The following TRIM31 variants were observed in gnomAD, a reference collection of about 807,000 sequenced individuals.
TRIM31 encodes E3 ubiquitin-protein ligase TRIM31.
TRIM31 carries 31 observed loss-of-function variants against 40.6 expected under a neutral mutation model. That is an observed-to-expected ratio of 0.76 (90% CI 0.57 to 1.03). The LOEUF is 1.03. Among genes scored for constraint, TRIM31 ranks in the 50% least tolerant of loss-of-function variants. TRIM31 has a pLI of 0.00. For synonymous variants in TRIM31, 164 were observed against 193.9 expected (o/e 0.85, Z 1.28); for missense variants, 455 against 497.5 (o/e 0.91, Z 0.81).
rs111260969 is a variant in TRIM31, at chr6:30,112,534, T to C, written c.272A>G (p.Lys91Arg). 51 of 1,613,026 alleles carry C rather than the reference T, an allele frequency of 3.2e-5. No individual in the cohort carries two copies. Among genetic ancestry groups the C allele is most frequent in the Middle Eastern group, 3.3e-4 (2 of 6,084 alleles). ...LQASEVQSKR[K>R]EATCPRHQEM... ...CTGGTGCCTCGGGCATGTAGCCTCT[T>C]TCCTTTTGGACTGCACCTCAGAGGC... The change falls in exon 2 of 9, where the codon AAA (lysine) becomes AGA (arginine). Residue 91 changes from lysine (K) to arginine (R), a missense_variant. Transcript: ENST00000376734.
chr6:30,105,840 T>A (rs1343019084), intron 6 of TRIM31, among the ~76,000 whole-genome samples: 1 of 152,178 alleles, frequency 6.6e-6, no homozygotes, highest in Non-Finnish European at 1.5e-5. Context: ...GCTTCACCCT[T>A]TAGCTTCAGA....
At chr6:30,104,256 C>G in intron 7 of TRIM31, 89 bp from the exon 8 acceptor site, 1 of 1,322,136 alleles carries the variant, frequency 7.6e-7, no homozygotes, top group Non-Finnish European at 1.1e-6. Context: ...CATCATCAAT[C>G]AGAACAGTCA....
In TRIM31 at chr6:30,103,642, T is replaced by A; in HGVS notation, c.1172A>T (p.Gln391Leu). Residue 391 changes from glutamine to leucine, a missense_variant, in exon 9 of 9, where the codon CAG becomes CTG. Coordinates refer to ENST00000376734, the MANE Select transcript of TRIM31 (RefSeq NM_007028.5). ...CGCAACGTCAAATGTCTTCGTATCC[T>A]GAGAGCTCGCTCCTTGACCAGAAAT... ...DEISGQGASSQDTKTFDVALS... is the reference protein window; with the variant it reads ...DEISGQGASSLDTKTFDVALS... 1 of 1,613,034 alleles carries A rather than the reference T, an allele frequency of 6.2e-7. No homozygotes were observed. Among genetic ancestry groups the A allele is most frequent in the South Asian group, 1.1e-5 (1 of 91,088 alleles).
intron 4 of TRIM31, 34 bp from the exon 5 acceptor site, chr6:30,109,082 A>T (rs762512433): frequency 1.2e-6 from 2 of 1,612,376 alleles, no homozygotes; most frequent in Non-Finnish European, 1.7e-6. Context: ...CAGCCTCAGC[A>T]CTTGGCTGAT....
chr6:30,108,647 G>C, intron 5 of TRIM31: 1 of 366,556 alleles, frequency 2.7e-6, no homozygotes, highest in South Asian at 4.0e-5. Flanking sequence ...GGGATATGGG[G>C]CGGGAGTGAG....
At position 30,112,907 on chromosome 6, in the gene TRIM31, G is replaced by T; in HGVS notation, c.-83-19C>A. On this transcript the variant is annotated intron_variant, in intron 1 of 8. Transcript: ENST00000376734. ...ACTGTTTCTAGGAAGGGAGAAGGGAGTCAGAGAAAGTGGAGGTCAGAGATT... is the reference window on the plus strand; with the variant it reads ...ACTGTTTCTAGGAAGGGAGAAGGGATTCAGAGAAAGTGGAGGTCAGAGATT... 1.7e-6 allele frequency: 2 copies of T among 1,176,074 alleles called. No homozygotes were observed. The highest frequency in any genetic ancestry group is 1.8e-5 in the South Asian group (1 of 56,210). 72.9% of individuals were successfully genotyped at this position (1,176,074 alleles called of 1,614,324 possible).
intron 6 of TRIM31, among the ~76,000 whole-genome samples, chr6:30,106,014 C>T (rs773270619): frequency 6.6e-6 from 1 of 152,344 alleles, no homozygotes; most frequent in East Asian, 1.9e-4. Context: ...CCTTCATCTC[C>T]CAGTTCACCC....
intron 7 of TRIM31, among the ~76,000 whole-genome samples, chr6:30,104,953 A>G (rs1562033893): frequency 6.6e-6 from 1 of 152,292 alleles, no homozygotes; most frequent in African/African-American, 2.4e-5. Context: ...GTAATTTTCT[A>G]TTACTTCTGA....
chr6:30,110,718 C>T (rs772877970), intron 3 of TRIM31, 40 bp from the exon 4 acceptor site: 16 of 1,588,402 alleles, frequency 1.0e-5, no homozygotes, highest in Middle Eastern at 1.7e-4. Flanking sequence ...AGGATGGCCT[C>T]GAAGGTCCTT....
chr6:30,111,878 A>C, intron 2 of TRIM31, 135 bp from the exon 3 acceptor site: 1 of 789,444 alleles, frequency 1.3e-6, no homozygotes, highest in Non-Finnish European at 2.1e-6. Context: ...CGCCTTTCTC[A>C]AGCTGGCGGG....
chr6:30,111,445 C>T lies in TRIM31; in HGVS notation c.513+203G>A, dbSNP rs542556680. ...GTTTTCCGTGCCCCACCTTGTCTGCCGGTGGAGACTGAGCAGTCAGCCCGC... is the reference window on the plus strand; with the variant it reads ...GTTTTCCGTGCCCCACCTTGTCTGCTGGTGGAGACTGAGCAGTCAGCCCGC... On this transcript the variant is annotated intron_variant, in intron 3 of 8. Coordinates refer to ENST00000376734, the MANE Select transcript of TRIM31 (RefSeq NM_007028.5). The T allele has an allele frequency of 3.5e-4, 197 of 555,150 alleles. 3 individuals are homozygous for T. In the East Asian group the frequency reaches 5.6e-3, roughly 16 times the overall value. 34.4% of individuals were successfully genotyped at this position (555,150 alleles called of 1,614,324 possible).
chr6:30,111,560 T>C lies in TRIM31; in HGVS notation c.513+88A>G, dbSNP rs902473708. 6.7e-6 allele frequency: 9 copies of C among 1,351,006 alleles called. No homozygotes were observed. In the African/African-American group the frequency reaches 1.2e-4, roughly 17 times the overall value. The allele number at this position is 1,351,006 out of a possible 1,614,324, so 83.7% of individuals were successfully genotyped here. ...AGAGGACATGGCTCACTGGATCTTT[T>C]TCTGAGGGGTCAGTGTAATAGGGGA... On this transcript the variant is annotated intron_variant, in intron 3 of 8. Transcript: ENST00000376734.
At position 30,111,675 on chromosome 6, in the gene TRIM31, T is replaced by C; in HGVS notation, c.486A>G (p.Gln162=). The change falls in exon 3 of 9, where the codon CAA becomes CAG. Residue 162 remains glutamine (Q), a synonymous_variant. Transcript: ENST00000376734. The part of the protein sequence containing the change: ...KEKETVQVKA[Q]GVHRVDVFTD... ...TGAAGACATCGACCCTGTGTACACCTTGTGCCTTCACTTGTACTGTCTCCT... is the reference window on the plus strand; with the variant it reads ...TGAAGACATCGACCCTGTGTACACCCTGTGCCTTCACTTGTACTGTCTCCT... 2 of 1,614,238 alleles carry C rather than the reference T, an allele frequency of 1.2e-6. No individual in the cohort carries two copies. Among genetic ancestry groups the C allele is most frequent in the Non-Finnish European group, 1.7e-6 (2 of 1,180,038 alleles).
In TRIM31 at chr6:30,113,056, A is replaced by C; in HGVS notation, c.-84+8T>G. On this transcript the variant is annotated splice_region_variant and intron_variant, in intron 1 of 8. Coordinates refer to ENST00000376734, the MANE Select transcript of TRIM31 (RefSeq NM_007028.5). Reference sequence around the variant, plus strand: ...TATAAAGAGAGGAAAACAGATGGGCAGTCCTACCTTGCTACCTCTTGAGAA... The same window carrying C: ...TATAAAGAGAGGAAAACAGATGGGCCGTCCTACCTTGCTACCTCTTGAGAA... 2.1e-6 allele frequency: 1 copy of C among 481,918 alleles called. No individual in the cohort carries two copies. The allele number at this position is 481,918 out of a possible 1,614,324, so 29.9% of individuals were successfully genotyped here.
Position 30,103,731 on chromosome 6 carries a change from CAG to C in TRIM31, c.1081_1082del (p.Leu361ValfsTer20), listed in dbSNP as rs766876717. 27 of 1,612,912 alleles carry C rather than the reference CAG, an allele frequency of 1.7e-5. No homozygotes were observed. Among genetic ancestry groups the C allele is most frequent in the African/African-American group, 1.2e-4 (9 of 74,916 alleles). ...NHHSSAPSHS[L>X]FRASSAGKVT... ...CTTTCCCAGCAGACGAGGCCCGAAA[CAG>C]GGAGTGGGATGGGGCTGAAGAGTGG... On this transcript the variant is annotated frameshift_variant, in exon 9 of 9. Coordinates refer to ENST00000376734, the MANE Select transcript of TRIM31 (RefSeq NM_007028.5). LOFTEE classifies it low-confidence loss of function (END_TRUNC).
In TRIM31 at chr6:30,111,647, C is replaced by T. The variant is rs754671507; in HGVS notation, c.513+1G>A. ...AGATCGTGGGATGGAGTTTTTCTTACCGTGAAGACATCGACCCTGTGTACA... is the reference window on the plus strand; with the variant it reads ...AGATCGTGGGATGGAGTTTTTCTTATCGTGAAGACATCGACCCTGTGTACA... On this transcript the variant is annotated splice_donor_variant, in intron 3 of 8. Coordinates refer to ENST00000376734, the MANE Select transcript of TRIM31 (RefSeq NM_007028.5). LOFTEE classifies it high-confidence loss of function. 1 of 1,613,894 alleles carries T rather than the reference C, an allele frequency of 6.2e-7. No individual in the cohort carries two copies. The highest frequency in any genetic ancestry group is 1.7e-5 in the Admixed American group (1 of 59,998).
rs1562049234 is a variant in TRIM31 at position 30,111,723 on chromosome 6, G to A, written c.438C>T (p.Ile146=). The A allele has an allele frequency of 2.5e-6, 4 of 1,614,230 alleles. No individual in the cohort carries two copies. The highest frequency in any genetic ancestry group is 1.3e-5 in the African/African-American group (1 of 75,060). Residue 146 remains isoleucine, a synonymous_variant, in exon 3 of 9, where the codon ATC becomes ATT. Transcript: ENST00000376734. ...QNYQGQIQEQ[I]QVLQQKEKET... is the part of the protein sequence containing the mutation. The stretch of plus-strand genomic sequence containing the variant: ...CCTTCTCCTTTTGCTGCAAGACTTG[G>A]ATCTGCTCTTGAATCTGCCCCTGCG...
At chr6:30,111,048 T>TTTTTTTTTTTTTTTTTTTTTTTTTTC (rs1769260672) in intron 3 of TRIM31, among the ~76,000 whole-genome samples, 1 of 133,452 alleles carries the variant, frequency 7.5e-6, no homozygotes, top group South Asian at 2.6e-4. Flanking sequence ...TTTTTTTTTT[T>TTTTTTTTTTTTTTTTTTTTTTTTTTC]TGAGACAGTC....
In TRIM31 at chr6:30,103,406, C is replaced by A; in HGVS notation, c.*130G>T. The A allele has an allele frequency of 7.3e-7, 1 of 1,366,192 alleles. No homozygotes were observed. Among genetic ancestry groups the A allele is most frequent in the Non-Finnish European group, 1.0e-6 (1 of 999,608 alleles). The allele number at this position is 1,366,192 out of a possible 1,614,324, so 84.6% of individuals were successfully genotyped here. On this transcript the variant is annotated 3_prime_UTR_variant, in exon 9 of 9. Transcript: ENST00000376734. ...CTCCACTCTCAGTAGCCCGAGCCCT[C>A]CCATTCTCCACTCCTTCGACCCAAT...
Sources: allele counts gnomAD v4.1 joint callset (sites outside exome capture counted in the v4.1 genomes callset), GRCh38; gene constraint gnomAD v4.1.1; transcripts MANE v1.5; gene names NCBI Gene and HGNC (gene_info 2026-07-23, HGNC 2026-07-21).